The following PIK3CD variants were observed in gnomAD, a reference collection of about 807,000 sequenced individuals.
The protein encoded by PIK3CD is phosphatidylinositol 4,5-bisphosphate 3-kinase catalytic subunit delta isoform.
A neutral mutation model predicts 122.9 loss-of-function variants in PIK3CD; 20 were observed. That is an observed-to-expected ratio of 0.16 (90% CI 0.11 to 0.24). PIK3CD has a LOEUF of 0.24. Ranked by LOEUF, PIK3CD falls within the 10% of genes least tolerant of loss-of-function variation. PIK3CD has a pLI of 1.00. For synonymous variants in PIK3CD, 596 were observed against 593.4 expected (o/e 1.00, Z -0.06); for missense variants, 787 against 1,406.3 (o/e 0.56, Z 7.04).
Position 9,721,483 on chromosome 1 carries a change from G to A in PIK3CD, c.1851G>A (p.Gln617=), listed in dbSNP as rs758925819. 7 of 1,613,778 alleles carry A rather than the reference G, an allele frequency of 4.3e-6. No individual in the cohort carries two copies. The highest frequency in any genetic ancestry group is 1.7e-4 in the Middle Eastern group (1 of 6,056). The change falls in exon 15 of 24, where the codon CAG becomes CAA. Residue 617 remains glutamine (Q), a synonymous_variant. Transcript: ENST00000377346. ...ELFQYLLQLV[Q]VLKYESYLDC... ...TCCAGTACCTGCTGCAGCTGGTGCA[G>A]GTGCTCAAGTACGAGTCCTACCTGG...
Position 9,678,381 on chromosome 1 carries a change from G to A in PIK3CD, c.-137-13086G>A, listed in dbSNP as rs1277757069. ...TGAGGCGGGAGGATCGCTTGAGTCC[G>A]GGAGGTTGAGGCTGCCATGAGCCTA... is the stretch of plus-strand genomic sequence containing the variant. On this transcript the variant is annotated intron_variant, in intron 1 of 23. Coordinates refer to ENST00000377346, the MANE Select transcript of PIK3CD (RefSeq NM_005026.5). Among the ~76,000 whole-genome samples, 36 of 152,160 alleles carry A rather than the reference G, an allele frequency of 2.4e-4. 1 individual carries two copies. Among genetic ancestry groups the A allele is most frequent in the East Asian group, 2.3e-3 (12 of 5,174 alleles).
chr1:9,645,754 C>T, the PIK3CD span, among the ~76,000 whole-genome samples: 2 of 151,420 alleles, frequency 1.3e-5, no homozygotes, highest in South Asian at 2.1e-4. Flanking sequence ...TACAGGTGCC[C>T]GCCACCATGC....
At chr1:9,669,567 C>A (rs1244692910) in intron 1 of PIK3CD, among the ~76,000 whole-genome samples, 1 of 152,172 alleles carries the variant, frequency 6.6e-6, no homozygotes, top group East Asian at 1.9e-4. Flanking sequence ...CTCAAGCGAT[C>A]TTCCTGCCTC....
At position 9,722,259 on chromosome 1, in the gene PIK3CD, C is replaced by T; in HGVS notation, c.2250C>T (p.Thr750=). ...LLAEVCVEQC[T]FMDSKMKPLW... is the part of the protein sequence containing the mutation. The stretch of plus-strand genomic sequence containing the variant: ...GGCCTGGCAGCGTGGAGCAGTGCAC[C>T]TTCATGGACTCCAAGATGAAGCCCC... The change falls in exon 18 of 24, where the codon ACC becomes ACT. Residue 750 remains threonine, a synonymous_variant. Transcript: ENST00000377346. The surrounding 1 kb of genome is among the most constrained non-coding windows in gnomAD (Gnocchi z 7.6). 6.2e-7 allele frequency: 1 copy of T among 1,613,470 alleles called. No homozygotes were observed. The highest frequency in any genetic ancestry group is 8.5e-7 in the Non-Finnish European group (1 of 1,179,850).
intron 2 of PIK3CD, among the ~76,000 whole-genome samples, chr1:9,702,210 G>A (rs1646660502): frequency 1.3e-5 from 2 of 151,956 alleles, no homozygotes; most frequent in South Asian, 4.2e-4. Flanking sequence ...GGCCAGGCTG[G>A]ACTCGAACTC....
chr1:9,710,335 A>G lies in PIK3CD; in HGVS notation c.-32-89A>G. 3 of 1,078,114 alleles carry G rather than the reference A, an allele frequency of 2.8e-6. No homozygotes were observed. The highest frequency in any genetic ancestry group is 4.3e-6 in the Non-Finnish European group (3 of 699,982). The allele number at this position is 1,078,114 out of a possible 1,614,324, so 66.8% of individuals were successfully genotyped here. ...CTCACTCCTGAGCTTCCTGCTGTCC[A>G]AGGACCCCACTGTTTTCCAGGGAGT... On this transcript the variant is annotated intron_variant, in intron 2 of 23. Coordinates refer to ENST00000377346, the MANE Select transcript of PIK3CD (RefSeq NM_005026.5). This position sits in a 1 kb window ranked among gnomAD's most constrained non-coding sequence, Gnocchi z 4.7.
intron 1 of PIK3CD, chr1:9,653,773 G>GCC: frequency 7.3e-7 from 1 of 1,361,468 alleles, no homozygotes; most frequent in Non-Finnish European, 9.8e-7. Context: ...ATGGCCTGCT[G>GCC]GAGTTTCATT....
At chr1:9,664,623 T>G (rs1233539157) in intron 1 of PIK3CD, among the ~76,000 whole-genome samples, 1 of 152,188 alleles carries the variant, frequency 6.6e-6, no homozygotes, top group Non-Finnish European at 1.5e-5. Flanking sequence ...CGAGGCATTG[T>G]TCACCTTGGA....
intron 1 of PIK3CD, among the ~76,000 whole-genome samples, chr1:9,683,016 C>T (rs1326987404): frequency 6.6e-6 from 1 of 150,390 alleles, no homozygotes; most frequent in Non-Finnish European, 1.5e-5. Flanking sequence ...ACGCTTTCCC[C>T]ACTGGGATTG....
intron 1 of PIK3CD, among the ~76,000 whole-genome samples, chr1:9,676,949 C>T (rs1334569850): frequency 6.6e-6 from 1 of 152,192 alleles, no homozygotes; most frequent in East Asian, 1.9e-4. Flanking sequence ...GAAGCATTGT[C>T]ACGGGCCCCC....
rs1465930805 is a variant in PIK3CD at position 9,710,599 on chromosome 1, A to G, written c.141+3A>G. The G allele has an allele frequency of 4.3e-6, 7 of 1,613,672 alleles. No homozygotes were observed. Among genetic ancestry groups the G allele is most frequent in the African/African-American group, 1.3e-5 (1 of 74,862 alleles). On this transcript the variant is annotated splice_donor_region_variant and intron_variant, in intron 3 of 23. Coordinates refer to ENST00000377346, the MANE Select transcript of PIK3CD (RefSeq NM_005026.5). The surrounding 1 kb of genome is among the most constrained non-coding windows in gnomAD (Gnocchi z 4.7). ...CCAACCTCAGCACCATCAAGCAGGTATGGCCTCCATCCGGTCCTCAGACCT... is the reference window on the plus strand; with the variant it reads ...CCAACCTCAGCACCATCAAGCAGGTGTGGCCTCCATCCGGTCCTCAGACCT...
At chr1:9,725,081 G>C in intron 23 of PIK3CD, 145 bp downstream of exon 23, 2 of 1,072,034 alleles carry the variant, frequency 1.9e-6, no homozygotes, top group Non-Finnish European at 2.8e-6. Flanking sequence ...ACCCAGCAGT[G>C]GAGCTGGTGG....
At chr1:9,655,481 G>T (rs896979976) in intron 1 of PIK3CD, among the ~76,000 whole-genome samples, 1 of 79,286 alleles carries the variant, frequency 1.3e-5, no homozygotes, top group Non-Finnish European at 1.9e-5. Context: ...TAAACACTGT[G>T]ACTTGCTGTG....
At chr1:9,694,592 A>G (rs901445934) in intron 2 of PIK3CD, among the ~76,000 whole-genome samples, 1 of 152,180 alleles carries the variant, frequency 6.6e-6, no homozygotes. Flanking sequence ...CCGAGCAGCT[A>G]GCCCTACCTG....
intron 2 of PIK3CD, among the ~76,000 whole-genome samples, chr1:9,702,473 AG>A (rs1646671862): frequency 7.7e-6 from 1 of 130,468 alleles, no homozygotes. Context: ...TCTTAGAGGC[AG>A]GTCCACTTCC....
At position 9,720,887 on chromosome 1, in the gene PIK3CD, A is replaced by C; in HGVS notation, c.1667A>C (p.Asn556Thr). The C allele has an allele frequency of 6.2e-7, 1 of 1,601,296 alleles. No individual in the cohort carries two copies. Among genetic ancestry groups the C allele is most frequent in the Non-Finnish European group, 8.5e-7 (1 of 1,174,228 alleles). The change falls in exon 13 of 24, where the codon AAC becomes ACC. Residue 556 changes from asparagine to threonine, a missense_variant. By Grantham distance (65) the Asn-to-Thr change is moderately conservative (BLOSUM62 0). Transcript: ENST00000377346. This position sits in a 1 kb window ranked among gnomAD's most constrained non-coding sequence, Gnocchi z 9.0. ...CGGCTGCTGCTGGTCACCAAGTGGA[A>C]CAAGCATGAGGATGTGGCCCAGGTG... ...LARLLLVTKWNKHEDVAQMLY... is the reference protein window; with the variant it reads ...LARLLLVTKWTKHEDVAQMLY...
At chr1:9,654,325 T>C (rs747685290) in intron 1 of PIK3CD, 1 of 1,367,746 alleles carries the variant, frequency 7.3e-7, no homozygotes, top group Non-Finnish European at 9.8e-7. Context: ...GTCTTTGCAC[T>C]AAGCTGTGGG....
rs76891724 is a variant in PIK3CD at position 9,656,266 on chromosome 1, G to A, written c.-138+4464G>A. On this transcript the variant is annotated intron_variant, in intron 1 of 23. Coordinates refer to ENST00000377346, the MANE Select transcript of PIK3CD (RefSeq NM_005026.5). Reference sequence around the variant, plus strand: ...AAATGCTTGGGACCAGAAATGGGGTGGAGTTTGGATTTTGGAATATTTGCA... The same window carrying A: ...AAATGCTTGGGACCAGAAATGGGGTAGAGTTTGGATTTTGGAATATTTGCA... 5.4e-3 allele frequency among the ~76,000 whole-genome samples: 828 copies of A among 152,196 alleles called. 6 individuals carry two copies. Among genetic ancestry groups the A allele is most frequent in the African/African-American group, 0.019 (796 of 41,518 alleles).
chr1:9,640,750 G>C, the PIK3CD span, among the ~76,000 whole-genome samples: 1 of 151,990 alleles, frequency 6.6e-6, no homozygotes, highest in Non-Finnish European at 1.5e-5. Context: ...GCCACTCCCC[G>C]GCTCAGCCTG....
Sources: allele counts gnomAD v4.1 joint callset (sites outside exome capture counted in the v4.1 genomes callset), GRCh38; gene constraint gnomAD v4.1.1; non-coding constraint Gnocchi (gnomAD v3.1); transcripts MANE v1.5; gene names NCBI Gene and HGNC (gene_info 2026-07-23, HGNC 2026-07-21).